FREM3: variants seen among roughly 807,000 people sequenced by gnomAD.
The protein encoded by FREM3 is FRAS1-related extracellular matrix protein 3.
FREM3 carries 105 observed loss-of-function variants against 129.1 expected under a neutral mutation model. The ratio of observed to expected loss-of-function variants is 0.81; its 90% CI spans 0.69 to 0.96. FREM3 has a LOEUF of 0.96. FREM3 is among the 40% of genes least tolerant of loss of function. FREM3 has a pLI of 0.00. For missense variants in FREM3, 2,593 were observed against 2,666.3 expected (o/e 0.97, Z 0.61); for synonymous variants, 1,014 against 1,044.9 (o/e 0.97, Z 0.57).
At chr4:143,663,123 A>G (rs941695783) in intron 2 of FREM3, among the ~76,000 whole-genome samples, 41 of 152,178 alleles carry the variant, frequency 2.7e-4, no homozygotes, top group Middle Eastern at 3.4e-3. Flanking sequence ...TGGTCCTGTC[A>G]TTATGATGTT....
At position 143,577,788 on chromosome 4, in the gene FREM3, T is replaced by C; in HGVS notation, c.6243A>G (p.Thr2081=). 6.5e-7 allele frequency: 1 copy of C among 1,537,342 alleles called. No individual in the cohort carries two copies. The highest frequency in any genetic ancestry group is 1.7e-4 in the Middle Eastern group (1 of 5,990). ...GGTCATCAAGGATGGTCACTTGGAA[T>C]GTCTGCATGCGCACGCCTGGAGCAA... is the stretch of plus-strand genomic sequence containing the variant. ...LDFAPGVRMQ[T]FQVTILDDLG... The change falls in exon 8 of 8, where the codon ACA becomes ACG. Residue 2081 remains threonine, a synonymous_variant. Transcript: ENST00000329798.
intron 5 of FREM3, among the ~76,000 whole-genome samples, chr4:143,615,327 C>G (rs1738824927): frequency 6.6e-6 from 1 of 152,206 alleles, no homozygotes; most frequent in African/African-American, 2.4e-5. Context: ...TTCTTTTAAA[C>G]ACACAATTTT....
chr4:143,687,347 G>A (rs758049968), intron 2 of FREM3, among the ~76,000 whole-genome samples: 1 of 148,186 alleles, frequency 6.7e-6, no homozygotes, highest in Non-Finnish European at 1.5e-5. Context: ...AGATTGAAAT[G>A]GTTAAAAAAT....
At chr4:143,609,504 AAC>A (rs1738720087) in intron 6 of FREM3, among the ~76,000 whole-genome samples, 1 of 152,168 alleles carries the variant, frequency 6.6e-6, no homozygotes, top group Admixed American at 6.6e-5. Flanking sequence ...CCACTTCCGT[AAC>A]TTTCCCTTTC....
chr4:143,664,677 C>T (rs984476912), intron 2 of FREM3, among the ~76,000 whole-genome samples: 2 of 152,288 alleles, frequency 1.3e-5, no homozygotes, highest in Non-Finnish European at 2.9e-5. Context: ...TTTGTCTGTG[C>T]CCTGCCCCCA....
chr4:143,692,531 G>T (rs1306251556), intron 2 of FREM3, among the ~76,000 whole-genome samples: 2 of 152,112 alleles, frequency 1.3e-5, no homozygotes, highest in African/African-American at 4.8e-5. Flanking sequence ...GGTGTGTAAA[G>T]AAAGTGGCTT....
chr4:143,650,058 C>T (rs1307772141), intron 2 of FREM3, among the ~76,000 whole-genome samples: 1 of 152,188 alleles, frequency 6.6e-6, no homozygotes, highest in African/African-American at 2.4e-5. Context: ...CAATTGTTAA[C>T]AAAATCATAA....
chr4:143,621,050 G>A lies in FREM3; in HGVS notation c.5766C>T (p.Cys1922=), dbSNP rs1738938263. 1.3e-6 allele frequency: 2 copies of A among 1,537,296 alleles called. No individual in the cohort carries two copies. The highest frequency in any genetic ancestry group is 1.7e-6 in the Non-Finnish European group (2 of 1,146,864). ...GDASQELIVI[C]STRQGSATGT... ...AGAGCCTCATACCTTGACGTGTGGA[G>A]CAAATGACGATTAGTTCCTGGCTTG... The change falls in exon 5 of 8, where the codon TGC becomes TGT. Residue 1922 remains cysteine (C), a synonymous_variant. Coordinates refer to ENST00000329798, the MANE Select transcript of FREM3 (RefSeq NM_001168235.2).
intron 6 of FREM3, among the ~76,000 whole-genome samples, chr4:143,590,859 A>G (rs1738347519): frequency 6.6e-6 from 1 of 152,066 alleles, no homozygotes; most frequent in African/African-American, 2.4e-5. Flanking sequence ...CTGTGAATCC[A>G]TCTGGTCCTG....
chr4:143,691,411 G>A (rs1245733668), intron 2 of FREM3, among the ~76,000 whole-genome samples: 1 of 136,408 alleles, frequency 7.3e-6, no homozygotes, highest in African/African-American at 2.7e-5. Context: ...AAAACTTATG[G>A]AAAAATTAAA....
chr4:143,640,714 T>C (rs75351838), intron 2 of FREM3, among the ~76,000 whole-genome samples: 1 of 152,140 alleles, frequency 6.6e-6, no homozygotes, highest in Non-Finnish European at 1.5e-5. Context: ...CATTTTTTTT[T>C]CTAGTTAGCA....
At chr4:143,615,045 T>G (rs1204014409) in intron 5 of FREM3, among the ~76,000 whole-genome samples, 1 of 152,242 alleles carries the variant, frequency 6.6e-6, no homozygotes, top group Non-Finnish European at 1.5e-5. Flanking sequence ...TCAGTCTCTG[T>G]GGCTACATAT....
At chr4:143,632,280 TGAAAGTGCTATGCAAAAATCAGGATAG>T in intron 2 of FREM3, among the ~76,000 whole-genome samples, 1 of 152,142 alleles carries the variant, frequency 6.6e-6, no homozygotes, top group African/African-American at 2.4e-5. Context: ...TAGTTGATGG[TGAAAGTGCTATGCAAAAATCAGGATAG>T]TTGGATAAAG....
chr4:143,644,639 T>C (rs1972027), intron 2 of FREM3, among the ~76,000 whole-genome samples: 75,790 of 152,000 alleles, frequency 0.5, 19,689 homozygotes, highest in East Asian at 0.71. Context: ...TTCTATAATT[T>C]TACCTTTTTG....
chr4:143,681,133 G>A (rs1465452777), intron 2 of FREM3, among the ~76,000 whole-genome samples: 1 of 151,982 alleles, frequency 6.6e-6, no homozygotes, highest in African/African-American at 2.4e-5. Context: ...AGTCTTTCTT[G>A]CACATAGCTA....
rs889762506 is a variant in FREM3 at position 143,700,595 on chromosome 4, G to A, written c.81C>T (p.Pro27=). The stretch of plus-strand genomic sequence containing the variant: ...GTGAGGATGCCCGTCCCTGCAGCGC[G>A]GGGCGACTCAAGAGCAGGCAGGCGA... The part of the protein sequence containing the change: ...VALACLLLSR[P]ALQGRASSLG... Residue 27 remains proline, a synonymous_variant, in exon 1 of 8, where the codon CCC becomes CCT. Coordinates refer to ENST00000329798, the MANE Select transcript of FREM3 (RefSeq NM_001168235.2). The A allele has an allele frequency of 2.7e-6, 4 of 1,474,312 alleles. No homozygotes were observed. Among genetic ancestry groups the A allele is most frequent in the Admixed American group, 2.3e-5 (1 of 43,620 alleles). The allele number at this position is 1,474,312 out of a possible 1,614,324, so 91.3% of individuals were successfully genotyped here. A position where few individuals can be genotyped will look rare whatever the true frequency, so the allele number is the denominator to read the frequency against.
chr4:143,673,730 T>C (rs1010874830), intron 2 of FREM3, among the ~76,000 whole-genome samples: 3 of 152,238 alleles, frequency 2.0e-5, no homozygotes, highest in Non-Finnish European at 1.5e-5. Context: ...TGAGCTTTGG[T>C]GGGCTCCACC....
intron 2 of FREM3, among the ~76,000 whole-genome samples, chr4:143,643,072 A>G (rs1739350152): frequency 6.6e-6 from 1 of 152,178 alleles, no homozygotes. Context: ...ATGGGATACC[A>G]CCTCACTCCA....
rs78958683 is a variant in FREM3 at position 143,597,181 on chromosome 4, C to T, written c.6029-11188G>A. ...AAACAAACAAGCAAAAAATCGTTGG[C>T]GAGAGGGAGAGAGAGGAGTTTGAAA... On this transcript the variant is annotated intron_variant, in intron 6 of 7. Coordinates refer to ENST00000329798, the MANE Select transcript of FREM3 (RefSeq NM_001168235.2). Among the ~76,000 whole-genome samples the T allele has an allele frequency of 6.5e-3, 984 of 151,832 alleles. 15 individuals carry two copies. Among genetic ancestry groups the T allele is most frequent in the African/African-American group, 0.023 (940 of 41,366 alleles).
Sources: gnomAD v4.1 joint callset for allele counts (sites outside exome capture counted in the v4.1 genomes callset) on GRCh38, gnomAD v4.1.1 for gene constraint, MANE v1.5 for transcripts, NCBI Gene and HGNC (gene_info 2026-07-23, HGNC 2026-07-21) for gene names.